The following TRIM14 variants were observed in gnomAD, a reference collection of about 807,000 sequenced individuals.
TRIM14 encodes tripartite motif-containing protein 14.
TRIM14 carries 28 observed loss-of-function variants against 44.5 expected under a neutral mutation model. The ratio of observed to expected loss-of-function variants is 0.63; its 90% CI spans 0.47 to 0.86. The LOEUF is 0.86. TRIM14 is among the 40% of genes least tolerant of loss of function. The pLI is 0.00. For missense variants in TRIM14, 607 were observed against 611.1 expected, an observed-to-expected ratio of 0.99 and a Z score of 0.07; for synonymous variants, 299 against 269.2, an observed-to-expected ratio of 1.11 and a Z score of -1.08.
chr9:98,063,343 G>A, the TRIM14 span, among the ~76,000 whole-genome samples: 1 of 152,146 alleles, frequency 6.6e-6, no homozygotes, highest in African/African-American at 2.4e-5. Flanking sequence ...CCAGGTTCAA[G>A]TTATTCTCAT....
chr9:98,104,926 C>T (rs1826546624), intron 2 of TRIM14, among the ~76,000 whole-genome samples: 1 of 149,288 alleles, frequency 6.7e-6, no homozygotes, highest in South Asian at 2.1e-4. Flanking sequence ...GATGCACCAC[C>T]AGGGAAAGAA....
intron 1 of TRIM14, among the ~76,000 whole-genome samples, chr9:98,113,094 C>G (rs935752259): frequency 1.2e-5 from 1 of 84,734 alleles, no homozygotes; most frequent in African/African-American, 5.0e-5. Flanking sequence ...GCCTGGGCAA[C>G]AAGAGCGAAA....
intron 2 of TRIM14, among the ~76,000 whole-genome samples, chr9:98,104,380 A>G (rs985200554): frequency 1.3e-5 from 2 of 152,232 alleles, no homozygotes; most frequent in African/African-American, 4.8e-5. Context: ...TCCACTTTGT[A>G]AAGTAGAAAA....
chr9:98,108,313 G>C (rs1174439195), intron 2 of TRIM14, among the ~76,000 whole-genome samples: 1 of 152,164 alleles, frequency 6.6e-6, no homozygotes, highest in Non-Finnish European at 1.5e-5. Flanking sequence ...TGCAGCCTGT[G>C]GGCCGCATGT....
At chr9:98,064,267 T>C in the TRIM14 span, among the ~76,000 whole-genome samples, 1 of 152,218 alleles carries the variant, frequency 6.6e-6, no homozygotes, top group Admixed American at 6.5e-5. Flanking sequence ...TATTTTTTTT[T>C]TTTAAAGACG....
At chr9:98,065,093 G>C (rs899984435), downstream of TRIM14, among the ~76,000 whole-genome samples, 1 of 152,184 alleles carries the variant, frequency 6.6e-6, no homozygotes, top group African/African-American at 2.4e-5. Context: ...ATAGCAGCCT[G>C]CATTCAGAAA....
intron 1 of TRIM14, among the ~76,000 whole-genome samples, chr9:98,116,475 G>T (rs530062032): frequency 6.6e-6 from 1 of 152,244 alleles, no homozygotes; most frequent in African/African-American, 2.4e-5. Context: ...CACCCAATGT[G>T]TATGGGTATC....
the TRIM14 span, among the ~76,000 whole-genome samples, chr9:98,042,468 G>A: frequency 2.6e-5 from 4 of 151,796 alleles, no homozygotes; most frequent in Non-Finnish European, 4.4e-5. Context: ...CTGTGATATC[G>A]AATAAGCACT....
At chr9:98,106,825 C>CTTTTTTTTT (rs990996900) in intron 2 of TRIM14, among the ~76,000 whole-genome samples, 1 of 116,188 alleles carries the variant, frequency 8.6e-6, no homozygotes, top group African/African-American at 3.3e-5. Context: ...TTTCTTTCTT[C>CTTTTTTTTT]TTTTTTTTTT....
intron 5 of TRIM14, among the ~76,000 whole-genome samples, chr9:98,089,576 C>T (rs1002311467): frequency 6.6e-6 from 1 of 152,194 alleles, no homozygotes; most frequent in Admixed American, 6.5e-5. Flanking sequence ...GGGTCTAGAA[C>T]CAGAACTTTC....
At chr9:98,082,681 A>C (rs1352122258), downstream of TRIM14, among the ~76,000 whole-genome samples, 1 of 152,200 alleles carries the variant, frequency 6.6e-6, no homozygotes, top group Non-Finnish European at 1.5e-5. Context: ...TACTGGTTGA[A>C]TTCCTGCCAT....
intron 2 of TRIM14, among the ~76,000 whole-genome samples, chr9:98,106,008 C>T (rs1370612389): frequency 6.6e-6 from 1 of 152,184 alleles, no homozygotes; most frequent in Non-Finnish European, 1.5e-5. Context: ...AAACTCAAAA[C>T]TGAAAAATAA....
chr9:98,103,770 A>G (rs1477210789), intron 2 of TRIM14, among the ~76,000 whole-genome samples: 1 of 145,382 alleles, frequency 6.9e-6, no homozygotes, highest in African/African-American at 2.6e-5. Flanking sequence ...CCCGGGAGGC[A>G]GAGGTTGCAG....
downstream of TRIM14, among the ~76,000 whole-genome samples, chr9:98,065,578 A>G (rs1459683121): frequency 7.1e-6 from 1 of 140,432 alleles, no homozygotes; most frequent in Non-Finnish European, 1.5e-5. Context: ...ACCTCAGGTG[A>G]TCCACCCTTC....
chr9:98,101,403 AG>A (rs954483532), intron 2 of TRIM14, among the ~76,000 whole-genome samples: 17 of 152,050 alleles, frequency 1.1e-4, no homozygotes, highest in African/African-American at 4.1e-4. Flanking sequence ...TCGCTTTTAG[AG>A]GACAATACGA....
chr9:98,094,116 G>A (rs537546177), intron 4 of TRIM14, among the ~76,000 whole-genome samples: 3 of 152,302 alleles, frequency 2.0e-5, no homozygotes, highest in South Asian at 2.1e-4. Context: ...CTTCCCCTAC[G>A]AAGACTGTGA....
Position 98,119,045 on chromosome 9 carries a change from C to A in TRIM14, c.144G>T (p.Pro48=). ...RCRRCVCALC[P]VLGAHRGHPV... is the part of the protein sequence containing the mutation. ...GGTGGCCACGGTGCGCGCCCAGCAC[C>A]GGGCAAAGCGCGCACACGCAGCGGC... The change falls in exon 1 of 6, where the codon CCG becomes CCT. Residue 48 remains proline, a synonymous_variant. Coordinates refer to ENST00000341469, the MANE Select transcript of TRIM14 (RefSeq NM_014788.4). 6.3e-7 allele frequency: 1 copy of A among 1,577,862 alleles called. No homozygotes were observed. Among genetic ancestry groups the A allele is most frequent in the East Asian group, 2.3e-5 (1 of 42,568 alleles).
chr9:98,087,778 A>G lies in TRIM14; in HGVS notation c.1021T>C (p.Tyr341His). The G allele has an allele frequency of 6.6e-7, 1 of 1,509,626 alleles. No individual in the cohort carries two copies. Among genetic ancestry groups the G allele is most frequent in the Non-Finnish European group, 8.8e-7 (1 of 1,140,226 alleles). The allele number at this position is 1,509,626 out of a possible 1,614,324, so 93.5% of individuals were successfully genotyped here. ...AGAGWWVGAA[Y>H]ASLRRRGASA... is the part of the protein sequence containing the mutation. ...GCCCCGCGGCGCCGAAGGGAGGCGT[A>G]GGCCGCGCCCACCCACCAGCCGGCG... Residue 341 changes from tyrosine to histidine, a missense_variant, in exon 6 of 6, where the codon TAC (tyrosine) becomes CAC (histidine). Tyr to His is a moderately conservative substitution (Grantham distance 83). Transcript: ENST00000341469.
chr9:98,050,326 T>C, the TRIM14 span, among the ~76,000 whole-genome samples: 2 of 152,232 alleles, frequency 1.3e-5, no homozygotes, highest in Non-Finnish European at 1.5e-5. Context: ...AAAACTTTAG[T>C]CATTCATGTC....
Sources: allele counts gnomAD v4.1 joint callset (sites outside exome capture counted in the v4.1 genomes callset), GRCh38; gene constraint gnomAD v4.1.1; transcripts MANE v1.5; gene names NCBI Gene and HGNC (gene_info 2026-07-23, HGNC 2026-07-21).